ARHGAP44: variants seen among roughly 807,000 people sequenced by gnomAD.
The protein encoded by ARHGAP44 is rho GTPase-activating protein 44.
Under a neutral mutation model 106.8 loss-of-function variants are expected in ARHGAP44, and 43 were observed. The ratio of observed to expected loss-of-function variants is 0.40; its 90% CI spans 0.32 to 0.52. The LOEUF (loss-of-function observed/expected upper bound fraction) is 0.52, where lower values mean the gene tolerates loss of function less well. Among genes scored for constraint, ARHGAP44 ranks in the 20% least tolerant of loss-of-function variants. The pLI is 0.48. For missense variants in ARHGAP44, 866 were observed against 1,050.5 expected (o/e 0.82, Z 2.43); for synonymous variants, 439 against 410.3 (o/e 1.07, Z -0.85).
At chr17:12,862,121 C>T (rs2036105012) in intron 1 of ARHGAP44, among the ~76,000 whole-genome samples, 1 of 152,118 alleles carries the variant, frequency 6.6e-6, no homozygotes, top group Non-Finnish European at 1.5e-5. Context: ...TTGTCTACTA[C>T]AGTCAGTGAG....
intron 1 of ARHGAP44, among the ~76,000 whole-genome samples, chr17:12,846,150 C>A (rs1288933448): frequency 1.3e-5 from 2 of 151,488 alleles, no homozygotes; most frequent in African/African-American, 4.9e-5. Context: ...TATTCGAGGG[C>A]TTCAGTAATG....
At chr17:12,969,843 G>A (rs528362397) in intron 16 of ARHGAP44, among the ~76,000 whole-genome samples, 2 of 152,276 alleles carry the variant, frequency 1.3e-5, no homozygotes, top group South Asian at 2.1e-4. Context: ...GGAAATGCCG[G>A]AAACAGGAAG....
chr17:12,920,008 T>A (rs558269064), intron 6 of ARHGAP44, among the ~76,000 whole-genome samples, 177 bp downstream of exon 6: 1 of 152,088 alleles, frequency 6.6e-6, no homozygotes, highest in Non-Finnish European at 1.5e-5. Context: ...CCTGTTCTCA[T>A]GAAGGCTGCA....
chr17:12,974,917 T>A (rs2039638564), intron 18 of ARHGAP44, among the ~76,000 whole-genome samples: 1 of 151,656 alleles, frequency 6.6e-6, no homozygotes, highest in African/African-American at 2.4e-5. Context: ...AGGCGCGATC[T>A]CGACTCACTG....
intron 1 of ARHGAP44, among the ~76,000 whole-genome samples, chr17:12,852,815 A>G (rs1459636891): frequency 6.6e-6 from 1 of 152,144 alleles, no homozygotes; most frequent in Non-Finnish European, 1.5e-5. Flanking sequence ...TGCTGGGATT[A>G]CAGGCGTGAG....
At chr17:12,917,739 C>T (rs2037960495) in intron 5 of ARHGAP44, among the ~76,000 whole-genome samples, 1 of 152,198 alleles carries the variant, frequency 6.6e-6, no homozygotes, top group Non-Finnish European at 1.5e-5. Flanking sequence ...TCAATCTGTG[C>T]CGTTTGATAG....
intron 18 of ARHGAP44, among the ~76,000 whole-genome samples, chr17:12,977,638 G>A (rs1028194918): frequency 2.6e-5 from 4 of 152,112 alleles, no homozygotes; most frequent in African/African-American, 9.7e-5. Flanking sequence ...TTCAGGTAGC[G>A]CCCCTAGTAG....
At chr17:12,942,335 TG>T (rs1453237210) in intron 8 of ARHGAP44, among the ~76,000 whole-genome samples, 1 of 152,118 alleles carries the variant, frequency 6.6e-6, no homozygotes, top group Non-Finnish European at 1.5e-5. Context: ...TTAGTAGAGT[TG>T]TGGTTTCACT....
intron 6 of ARHGAP44, among the ~76,000 whole-genome samples, chr17:12,920,133 T>C (rs1002686197): frequency 6.6e-6 from 1 of 152,082 alleles, no homozygotes; most frequent in Non-Finnish European, 1.5e-5. Flanking sequence ...CCCAGCACTT[T>C]GGGAGGCCAA....
intron 1 of ARHGAP44, among the ~76,000 whole-genome samples, chr17:12,831,065 C>G (rs75930427): frequency 0.028 from 4,221 of 152,288 alleles, 184 homozygotes; most frequent in African/African-American, 0.093. Context: ...GAAGTTTATT[C>G]TGGCTCGCTT....
intron 1 of ARHGAP44, among the ~76,000 whole-genome samples, chr17:12,825,253 G>T (rs1195515981): frequency 6.6e-6 from 1 of 152,032 alleles, no homozygotes; most frequent in Admixed American, 6.6e-5. Flanking sequence ...GCCCAGGCTG[G>T]TCTCGATCTC....
At chr17:12,817,121 A>G (rs1337923913) in intron 1 of ARHGAP44, among the ~76,000 whole-genome samples, 2 of 152,172 alleles carry the variant, frequency 1.3e-5, no homozygotes, top group Admixed American at 6.5e-5. Context: ...AAAGATAACT[A>G]GGAAACCCCA....
chr17:12,883,299 G>C (rs1401738431), intron 1 of ARHGAP44, among the ~76,000 whole-genome samples: 1 of 150,550 alleles, frequency 6.6e-6, no homozygotes, highest in Non-Finnish European at 1.5e-5. Flanking sequence ...TTTTCTCTGA[G>C]TAAATCTTGT....
intron 16 of ARHGAP44, among the ~76,000 whole-genome samples, chr17:12,969,968 G>A (rs2039485362): frequency 6.6e-6 from 1 of 152,122 alleles, no homozygotes; most frequent in South Asian, 2.1e-4. Context: ...ACCATCTCAT[G>A]AAAAATACCC....
rs376455798 is a variant in ARHGAP44, at chr17:12,957,238, G to A, written c.1342+492G>A. Among the ~76,000 whole-genome samples the A allele has an allele frequency of 8.9e-4, 135 of 152,056 alleles. 3 individuals carry two copies. In the South Asian group the frequency reaches 0.023, roughly 26 times the overall value. On this transcript the variant is annotated intron_variant, in intron 15 of 20. Coordinates refer to ENST00000379672, the MANE Select transcript of ARHGAP44 (RefSeq NM_014859.6). ...CTCCCAAAGTGCTGGGATTACAGGC[G>A]TCAGCCACTGTGCCCGGCCTGTAAT...
At chr17:12,983,759 G>A (rs915996095) in intron 19 of ARHGAP44, among the ~76,000 whole-genome samples, 4 of 152,178 alleles carry the variant, frequency 2.6e-5, no homozygotes, top group Middle Eastern at 3.4e-3. Context: ...AGCGGCGATC[G>A]CGCCATTGCA....
chr17:12,965,160 C>T (rs1020314589), intron 16 of ARHGAP44, among the ~76,000 whole-genome samples: 5 of 152,310 alleles, frequency 3.3e-5, no homozygotes, highest in East Asian at 1.9e-4. Flanking sequence ...TCAAAACGTC[C>T]TTGGATCCCG....
intron 13 of ARHGAP44, among the ~76,000 whole-genome samples, chr17:12,953,249 C>G (rs948970749): frequency 6.6e-6 from 1 of 152,136 alleles, no homozygotes. Context: ...TGCTACCACC[C>G]GAGCTTCCAC....
At chr17:12,896,366 T>G (rs2037205462) in intron 2 of ARHGAP44, 41 bp from the exon 3 acceptor site, 8 of 1,533,690 alleles carry the variant, frequency 5.2e-6, no homozygotes, top group Middle Eastern at 1.7e-4. Flanking sequence ...TCCCCTGACC[T>G]TGCCCTCTCT....
Sources: allele counts gnomAD v4.1 joint callset (sites outside exome capture counted in the v4.1 genomes callset), GRCh38; gene constraint gnomAD v4.1.1; transcripts MANE v1.5; gene names NCBI Gene and HGNC (gene_info 2026-07-23, HGNC 2026-07-21).